NSD2: variants seen among roughly 807,000 people sequenced by gnomAD.
NSD2 encodes histone-lysine N-methyltransferase NSD2.
In NSD2, 12 loss-of-function variants were observed where a neutral mutation model predicts 139.0. That is an observed-to-expected ratio of 0.09 (90% CI 0.06 to 0.14). The LOEUF (loss-of-function observed/expected upper bound fraction) is 0.14, where lower values mean the gene tolerates loss of function less well. NSD2 is among the 10% of genes least tolerant of loss of function. The probability of loss-of-function intolerance (pLI) is 1.00; values close to 1 mark genes in which losing one functional copy is unlikely to be tolerated. For missense variants in NSD2, 1,155 were observed against 1,745.0 expected (o/e 0.66, Z 6.02); for synonymous variants, 669 against 648.7 (o/e 1.03, Z -0.48).
chr4:1,972,598 C>T lies in NSD2; in HGVS notation c.3373-2265C>T, dbSNP rs374614167. Among the ~76,000 whole-genome samples the T allele has an allele frequency of 2.0e-4, 30 of 152,270 alleles. No individual in the cohort carries two copies. In the East Asian group the frequency reaches 2.1e-3, roughly 11 times the overall value. On this transcript the variant is annotated intron_variant, in intron 18 of 21. Coordinates refer to ENST00000508803, the MANE Select transcript of NSD2 (RefSeq NM_001042424.3). This position sits in a 1 kb window ranked among gnomAD's most constrained non-coding sequence, Gnocchi z 4.0. ...GCCAAAGCCAGGGCCGGGCAGCCCA[C>T]GTACCACGCACTGATGCCTCCCCTC...
chr4:1,911,652 A>G (rs1214423495), intron 3 of NSD2, among the ~76,000 whole-genome samples: 1 of 151,532 alleles, frequency 6.6e-6, no homozygotes, highest in Non-Finnish European at 1.5e-5. Context: ...AGGGAGGATT[A>G]CTAATAACAT....
At chr4:1,893,736 G>A (rs1715859962) in intron 1 of NSD2, 1 of 152,264 alleles carries the variant, frequency 6.6e-6, no homozygotes, top group African/African-American at 2.4e-5. Context: ...GCAGAGACAA[G>A]ATTTCGCCAT....
At chr4:1,918,104 G>C in intron 4 of NSD2, 37 bp from the exon 5 acceptor site, 1 of 1,587,622 alleles carries the variant, frequency 6.3e-7, no homozygotes, top group Non-Finnish European at 8.5e-7. Context: ...TTATGTTTGT[G>C]TAGTGAAACT....
At chr4:1,970,247 C>T (rs976593463) in intron 18 of NSD2, among the ~76,000 whole-genome samples, 1 of 152,204 alleles carries the variant, frequency 6.6e-6, no homozygotes, top group African/African-American at 2.4e-5. Context: ...GCCTAAATTG[C>T]TTCTAAGGGG....
rs1193586437 is a variant in NSD2, at chr4:1,977,200, C to T, written c.3826+521C>T. Among the ~76,000 whole-genome samples, 3 of 152,388 alleles carry T rather than the reference C, an allele frequency of 2.0e-5. No individual in the cohort carries two copies. The East Asian group carries it at 5.8e-4, about 29-fold the overall frequency. On this transcript the variant is annotated intron_variant, in intron 21 of 21. Coordinates refer to ENST00000508803, the MANE Select transcript of NSD2 (RefSeq NM_001042424.3). ...GCTCCGCCGGTTGACGAAGGAGCTGCAGCTCTGGCTCTGTTTGAGGGAAAG... is the reference window on the plus strand; with the variant it reads ...GCTCCGCCGGTTGACGAAGGAGCTGTAGCTCTGGCTCTGTTTGAGGGAAAG...
chr4:1,886,255 G>A (rs1715072468), intron 1 of NSD2, among the ~76,000 whole-genome samples: 2 of 152,108 alleles, frequency 1.3e-5, no homozygotes. Context: ...GGCCAGGGCT[G>A]GAGTGTGGTG....
intron 9 of NSD2, among the ~76,000 whole-genome samples, chr4:1,950,498 G>A (rs1276793971): frequency 6.6e-6 from 1 of 152,196 alleles, no homozygotes; most frequent in Non-Finnish European, 1.5e-5. Context: ...AAACCGAACG[G>A]TCAGCCTGTG....
chr4:1,981,891 A>G lies in NSD2; in HGVS notation c.*2982A>G, dbSNP rs1727802601. The G allele has an allele frequency of 1.0e-5, 4 of 398,568 alleles. No individual in the cohort carries two copies. The Admixed American group carries it at 1.8e-4, about 18-fold the overall frequency. The allele number at this position is 398,568 out of a possible 1,614,324, so 24.7% of individuals were successfully genotyped here. On this transcript the variant is annotated 3_prime_UTR_variant, in exon 22 of 22. Transcript: ENST00000508803. ...TAAAATGCTGTGTCCACGGGGTGTC[A>G]CAGCCTCACCATACCCTGTTGAGGT...
chr4:1,933,254 C>T (rs1230346590), intron 6 of NSD2, among the ~76,000 whole-genome samples: 1 of 152,242 alleles, frequency 6.6e-6, no homozygotes, highest in Non-Finnish European at 1.5e-5. Flanking sequence ...AGGGCACGGA[C>T]ACTTACTTGT....
At chr4:1,957,254 C>T (rs964493619) in intron 15 of NSD2, among the ~76,000 whole-genome samples, 9 of 151,342 alleles carry the variant, frequency 5.9e-5, no homozygotes, top group South Asian at 2.1e-4. Context: ...CCTTTTGTTT[C>T]GAGAGGAGCT....
At chr4:1,953,194 A>G (rs1724460130) in intron 11 of NSD2, 130 bp from the exon 12 acceptor site, 1 of 1,567,274 alleles carries the variant, frequency 6.4e-7, no homozygotes, top group African/African-American at 1.4e-5. Flanking sequence ...CAAGGTTGGA[A>G]ACAGGGCCAG....
chr4:1,965,021 A>AT (rs1343237455), intron 18 of NSD2, among the ~76,000 whole-genome samples: 1 of 132,346 alleles, frequency 7.6e-6, no homozygotes, highest in East Asian at 2.8e-4. Flanking sequence ...GAGTTACCAC[A>AT]TTATTAGACT....
chr4:1,888,513 T>C (rs538667942), intron 1 of NSD2, among the ~76,000 whole-genome samples: 78 of 151,422 alleles, frequency 5.2e-4, no homozygotes, highest in African/African-American at 1.8e-3. Context: ...TTTAGGTTGG[T>C]AATGATTTTT....
At chr4:1,946,714 C>G (rs1404403246) in intron 9 of NSD2, 3 of 1,043,436 alleles carry the variant, frequency 2.9e-6, no homozygotes, top group Non-Finnish European at 3.5e-6. Flanking sequence ...GCAGTGATGT[C>G]AAATTGACTG....
intron 6 of NSD2, among the ~76,000 whole-genome samples, chr4:1,931,354 A>T (rs1179078802): frequency 1.3e-5 from 2 of 152,138 alleles, no homozygotes; most frequent in Non-Finnish European, 2.9e-5. Flanking sequence ...AAAAACCAAA[A>T]GTGCTAGTTT....
At chr4:1,893,316 A>G (rs1715774056) in intron 1 of NSD2, among the ~76,000 whole-genome samples, 1 of 152,148 alleles carries the variant, frequency 6.6e-6, no homozygotes, top group East Asian at 1.9e-4. Context: ...AAAAGTACAA[A>G]AAAATGAGCC....
intron 1 of NSD2, among the ~76,000 whole-genome samples, chr4:1,880,580 A>G (rs551516156): frequency 6.6e-6 from 1 of 151,722 alleles, no homozygotes; most frequent in Non-Finnish European, 1.5e-5. Context: ...AGCAAAGGTC[A>G]TATCTTTGAA....
chr4:1,916,775 A>C (rs934245165), intron 3 of NSD2, 96 bp from the exon 4 acceptor site: 11 of 1,265,026 alleles, frequency 8.7e-6, no homozygotes, highest in Admixed American at 2.4e-5. Context: ...AGGCTCAGAC[A>C]ACACCAAGGG....
intron 1 of NSD2, among the ~76,000 whole-genome samples, chr4:1,884,387 G>T (rs147770113): frequency 1.3e-5 from 2 of 149,748 alleles, no homozygotes; most frequent in Admixed American, 1.3e-4. Flanking sequence ...GTGAGCCACC[G>T]CAGGCCCCTT....
Sources: allele counts gnomAD v4.1 joint callset (sites outside exome capture counted in the v4.1 genomes callset), GRCh38; gene constraint gnomAD v4.1.1; non-coding constraint Gnocchi (gnomAD v3.1); transcripts MANE v1.5; gene names NCBI Gene and HGNC (gene_info 2026-07-23, HGNC 2026-07-21).